Variants in ANGPT4 observed in about 807,000 individuals in gnomAD.
The protein encoded by ANGPT4 is angiopoietin-4.
In ANGPT4, 50 loss-of-function variants were observed where a neutral mutation model predicts 53.0. The observed-to-expected ratio is 0.94, with a 90% CI of 0.75 to 1.20. The LOEUF is 1.20. Ranked by LOEUF, ANGPT4 falls within the 50% of genes most tolerant of loss-of-function variation. The pLI is 0.00. For missense variants in ANGPT4, 648 were observed against 637.1 expected, an observed-to-expected ratio of 1.02 and a Z score of -0.18; for synonymous variants, 251 against 259.7, an observed-to-expected ratio of 0.97 and a Z score of 0.32.
Position 888,766 on chromosome 20 carries a change from G to T in ANGPT4, c.466-327C>A, listed in dbSNP as rs560514599. Among the ~76,000 whole-genome samples the T allele has an allele frequency of 2.0e-5, 3 of 152,278 alleles. No individual in the cohort carries two copies. In the South Asian group the frequency reaches 6.2e-4, roughly 32 times the overall value. Reference sequence around the variant, plus strand: ...GGTGGCCCCTGACCACCTCTCTCCTGCTCTGTGGCCCTCACTCTGGCCCTG... The same window carrying T: ...GGTGGCCCCTGACCACCTCTCTCCTTCTCTGTGGCCCTCACTCTGGCCCTG... On this transcript the variant is annotated intron_variant, in intron 2 of 8. Coordinates refer to ENST00000381922, the MANE Select transcript of ANGPT4 (RefSeq NM_015985.4).
In ANGPT4 at chr20:890,272, T is replaced by C. The variant is rs541174884; in HGVS notation, c.406A>G (p.Thr136Ala). ...GCAGTGGTCTGGTTCAGGAGGCTGGTGCCCAGCTCTAGCATGGGGGCCGTC... is the reference window on the plus strand; with the variant it reads ...GCAGTGGTCTGGTTCAGGAGGCTGGCGCCCAGCTCTAGCATGGGGGCCGTC... ...NQTAPMLELG[T>A]SLLNQTTAQI... is the part of the protein sequence containing the mutation. The change falls in exon 2 of 9, where the codon ACC (threonine) becomes GCC (alanine). Residue 136 changes from threonine (T) to alanine (A), a missense_variant. Transcript: ENST00000381922. 26 of 1,613,956 alleles carry C rather than the reference T, an allele frequency of 1.6e-5. No homozygotes were observed. Among genetic ancestry groups the C allele is most frequent in the Non-Finnish European group, 1.9e-5 (22 of 1,179,970 alleles).
intron 8 of ANGPT4, among the ~76,000 whole-genome samples, chr20:873,825 G>A (rs184581002): frequency 6.6e-6 from 1 of 152,142 alleles, no homozygotes; most frequent in East Asian, 1.9e-4. Flanking sequence ...CCCTGTCTCT[G>A]TTCTTCTTAC....
At position 916,116 on chromosome 20, in the gene ANGPT4, G is replaced by A. The variant is rs764806114; in HGVS notation, c.99C>T (p.Cys33=). The A allele has an allele frequency of 6.8e-6, 11 of 1,614,060 alleles. No individual in the cohort carries two copies. The African/African-American group carries it at 9.3e-5, about 14-fold the overall frequency. The change falls in exon 1 of 9, where the codon TGC becomes TGT. Residue 33 remains cysteine, a synonymous_variant. Transcript: ENST00000381922. ...QQTRQEADRG[C]ETLVVQHGHC... is the part of the protein sequence containing the mutation. ...GGCCGTGCTGGACTACAAGTGTCTCGCAGCCCCTATCCGCCTCCTGCCTTG... is the reference window on the plus strand; with the variant it reads ...GGCCGTGCTGGACTACAAGTGTCTCACAGCCCCTATCCGCCTCCTGCCTTG...
chr20:892,510 C>T (rs1162956627), intron 1 of ANGPT4, among the ~76,000 whole-genome samples: 2 of 151,436 alleles, frequency 1.3e-5, no homozygotes, highest in Non-Finnish European at 2.9e-5. Flanking sequence ...GCAGGAGGAT[C>T]GCTGGAGCCT....
chr20:881,625 T>C (rs1478611758), intron 4 of ANGPT4, among the ~76,000 whole-genome samples: 1 of 151,742 alleles, frequency 6.6e-6, no homozygotes, highest in Non-Finnish European at 1.5e-5. Flanking sequence ...ACTCACACCG[T>C]GAGAGAGGAG....
At chr20:909,165 C>A (rs1296328884) in intron 1 of ANGPT4, among the ~76,000 whole-genome samples, 1 of 152,148 alleles carries the variant, frequency 6.6e-6, no homozygotes, top group Non-Finnish European at 1.5e-5. Context: ...TCATAACAGT[C>A]CCCACCTTTT....
At chr20:892,842 C>A (rs532493579) in intron 1 of ANGPT4, among the ~76,000 whole-genome samples, 1 of 152,192 alleles carries the variant, frequency 6.6e-6, no homozygotes, top group Non-Finnish European at 1.5e-5. Flanking sequence ...CCCCCCTTCG[C>A]TCTTTAATTC....
intron 2 of ANGPT4, 90 bp from the exon 3 acceptor site, chr20:888,529 C>T: frequency 6.6e-7 from 1 of 1,517,636 alleles, no homozygotes; most frequent in Non-Finnish European, 8.8e-7. Context: ...CCCTGCCACT[C>T]CAGAAACTTA....
rs1263991308 is a variant in ANGPT4, at chr20:908,899, C to T, written c.309+7007G>A. Among the ~76,000 whole-genome samples the T allele has an allele frequency of 6.6e-6, 1 of 152,084 alleles. No individual in the cohort carries two copies. On this transcript the variant is annotated intron_variant, in intron 1 of 8. Transcript: ENST00000381922. This position sits in a 1 kb window ranked among gnomAD's most constrained non-coding sequence, Gnocchi z 4.9. ...TCTTGTTGCCTCTGGAGAGGAGAAACAGGGGTCTCAGCTGGGTGTCAGGAA... is the reference window on the plus strand; with the variant it reads ...TCTTGTTGCCTCTGGAGAGGAGAAATAGGGGTCTCAGCTGGGTGTCAGGAA...
chr20:890,956 C>T (rs960185387), intron 1 of ANGPT4, among the ~76,000 whole-genome samples: 1 of 152,234 alleles, frequency 6.6e-6, no homozygotes, highest in Non-Finnish European at 1.5e-5. Flanking sequence ...CCACTTATCA[C>T]CACCTGACTT....
At chr20:876,144 C>CAAAAAAA (rs3030778) in intron 7 of ANGPT4, among the ~76,000 whole-genome samples, 2 of 99,096 alleles carry the variant, frequency 2.0e-5, no homozygotes, top group African/African-American at 3.5e-5. Context: ...AGCCCTGTCT[C>CAAAAAAA]AAAAAAAAAA....
chr20:899,584 A>C (rs1404381008), intron 1 of ANGPT4, among the ~76,000 whole-genome samples: 6 of 151,840 alleles, frequency 4.0e-5, no homozygotes, highest in Non-Finnish European at 8.8e-5. Context: ...ACTCTTTTTT[A>C]ATTATCCCCA....
At chr20:907,732 C>G (rs1408827875) in intron 1 of ANGPT4, among the ~76,000 whole-genome samples, 1 of 152,194 alleles carries the variant, frequency 6.6e-6, no homozygotes, top group Non-Finnish European at 1.5e-5. Flanking sequence ...TCTGCAAGGC[C>G]TCTTGGCTAG....
intron 1 of ANGPT4, among the ~76,000 whole-genome samples, chr20:902,517 C>T (rs902045280): frequency 2.0e-5 from 3 of 152,148 alleles, no homozygotes; most frequent in Non-Finnish European, 4.4e-5. Context: ...ATCTACGACA[C>T]ATTGTGTATA....
intron 1 of ANGPT4, among the ~76,000 whole-genome samples, chr20:901,429 C>T (rs1209177857): frequency 1.3e-5 from 2 of 152,142 alleles, no homozygotes; most frequent in African/African-American, 4.8e-5. Flanking sequence ...GAGAACAACC[C>T]CCTTTAACGT....
chr20:915,922 G>A lies in ANGPT4; in HGVS notation c.293C>T (p.Thr98Met), dbSNP rs377149306. The A allele has an allele frequency of 1.9e-5, 30 of 1,583,418 alleles. No individual in the cohort carries two copies. Among genetic ancestry groups the A allele is most frequent in the Middle Eastern group, 1.8e-4 (1 of 5,544 alleles). The change falls in exon 1 of 9, where the codon ACG becomes ATG. Residue 98 changes from threonine (T) to methionine (M), a missense_variant. Transcript: ENST00000381922. ...KQLEQALQNN[T>M]QWLKKLERAI... ...GCCCCGTACCTTCTTCAGCCACTGC[G>A]TGTTGTTCTGCAGTGCCTGCTCCAG...
intron 2 of ANGPT4, among the ~76,000 whole-genome samples, chr20:889,183 C>A (rs1168954579): frequency 6.6e-6 from 1 of 151,198 alleles, no homozygotes; most frequent in East Asian, 2.0e-4. Context: ...TCCCCCCCCA[C>A]CACTCCCAAT....
At chr20:876,899 C>A (rs1210724755) in intron 7 of ANGPT4, among the ~76,000 whole-genome samples, 2 of 152,004 alleles carry the variant, frequency 1.3e-5, no homozygotes, top group Non-Finnish European at 2.9e-5. Context: ...ATACAAAAAT[C>A]AGCTGGGCAT....
chr20:897,353 T>C (rs917476174), intron 1 of ANGPT4, among the ~76,000 whole-genome samples: 1 of 152,172 alleles, frequency 6.6e-6, no homozygotes, highest in Non-Finnish European at 1.5e-5. Context: ...CCAAGGAACA[T>C]CTCACCAATT....
Sources: allele counts gnomAD v4.1 joint callset (sites outside exome capture counted in the v4.1 genomes callset), GRCh38; gene constraint gnomAD v4.1.1; non-coding constraint Gnocchi (gnomAD v3.1); transcripts MANE v1.5; gene names NCBI Gene and HGNC (gene_info 2026-07-23, HGNC 2026-07-21).